Variants in AK7 observed in about 807,000 individuals in gnomAD.
AK7 encodes adenylate kinase 7.
A neutral mutation model predicts 96.6 loss-of-function variants in AK7; 78 were observed. The ratio of observed to expected loss-of-function variants is 0.81; its 90% CI spans 0.67 to 0.97. The LOEUF (loss-of-function observed/expected upper bound fraction) is 0.97, where lower values mean the gene tolerates loss of function less well. Ranked by LOEUF, AK7 falls within the 50% of genes least tolerant of loss-of-function variation. AK7 has a pLI of 0.00. For missense variants in AK7, 855 were observed against 887.9 expected, an observed-to-expected ratio of 0.96 and a Z score of 0.47; for synonymous variants, 302 against 317.2, an observed-to-expected ratio of 0.95 and a Z score of 0.51.
chr14:96,427,063 T>A (rs180671021), intron 5 of AK7, among the ~76,000 whole-genome samples: 3 of 152,232 alleles, frequency 2.0e-5, no homozygotes, highest in Admixed American at 2.0e-4. Context: ...CTGGCCAACA[T>A]GGAGAAACCC....
At chr14:96,468,867 T>C (rs1186899711) in intron 12 of AK7, among the ~76,000 whole-genome samples, 1 of 152,156 alleles carries the variant, frequency 6.6e-6, no homozygotes, top group Non-Finnish European at 1.5e-5. Context: ...ATGACATTTT[T>C]AAAAGCTATG....
At chr14:96,412,819 A>T (rs970005588) in intron 4 of AK7, among the ~76,000 whole-genome samples, 1 of 150,770 alleles carries the variant, frequency 6.6e-6, no homozygotes, top group Non-Finnish European at 1.5e-5. Context: ...TGCGCACTTC[A>T]GCCTCCCAAA....
At chr14:96,405,109 G>A (rs965605856) in intron 3 of AK7, 1 of 214,582 alleles carries the variant, frequency 4.7e-6, no homozygotes, top group South Asian at 1.6e-4. Context: ...ACTTTGGGAG[G>A]CCGAGGTGGG....
Position 96,458,344 on chromosome 14 carries a change from C to T in AK7, c.1357+132C>T, listed in dbSNP as rs1454844240. The T allele has an allele frequency of 5.7e-6, 7 of 1,229,088 alleles. No individual in the cohort carries two copies. The East Asian group carries it at 1.9e-4, about 33-fold the overall frequency. 76.1% of individuals were successfully genotyped at this position (1,229,088 alleles called of 1,614,324 possible). ...GGCGCCATGGCTCATGCCTGTAATCCCAGCACTTTGGGAGTCTGAGGTGGG... is the reference window on the plus strand; with the variant it reads ...GGCGCCATGGCTCATGCCTGTAATCTCAGCACTTTGGGAGTCTGAGGTGGG... On this transcript the variant is annotated intron_variant, in intron 12 of 17. Transcript: ENST00000267584.
intron 7 of AK7, among the ~76,000 whole-genome samples, chr14:96,446,080 A>T (rs1358659483): frequency 1.3e-5 from 2 of 152,182 alleles, no homozygotes; most frequent in African/African-American, 4.8e-5. Context: ...AGCTTGTCTA[A>T]ATCTGTGTCT....
At position 96,458,227 on chromosome 14, in the gene AK7, G is replaced by T. The variant is rs1894045738; in HGVS notation, c.1357+15G>T. Reference sequence around the variant, plus strand: ...GCAGAATGCAGGTAACACACACCCAGCAGAGAGCCACGCTGCTCTTGTGAA... The same window carrying T: ...GCAGAATGCAGGTAACACACACCCATCAGAGAGCCACGCTGCTCTTGTGAA... On this transcript the variant is annotated intron_variant, in intron 12 of 17. Transcript: ENST00000267584. The T allele has an allele frequency of 6.2e-7, 1 of 1,612,366 alleles. No individual in the cohort carries two copies. Among genetic ancestry groups the T allele is most frequent in the African/African-American group, 1.3e-5 (1 of 74,842 alleles).
At chr14:96,423,480 G>A (rs1035367213) in intron 5 of AK7, among the ~76,000 whole-genome samples, 9 of 151,534 alleles carry the variant, frequency 5.9e-5, no homozygotes, top group African/African-American at 2.2e-4. Context: ...CCCCCAAAAT[G>A]AAGTTCAAAA....
intron 4 of AK7, among the ~76,000 whole-genome samples, chr14:96,420,024 C>T (rs1891586941): frequency 1.3e-5 from 2 of 150,978 alleles, no homozygotes; most frequent in Admixed American, 1.3e-4. Flanking sequence ...TGCCACCACG[C>T]CTGGCTAATT....
intron 1 of AK7, among the ~76,000 whole-genome samples, chr14:96,394,685 A>G (rs1889956059): frequency 6.6e-6 from 1 of 152,210 alleles, no homozygotes; most frequent in South Asian, 2.1e-4. Flanking sequence ...TCAAAAAGAT[A>G]CAGATACAGG....
chr14:96,404,864 T>C lies in AK7; in HGVS notation c.402T>C (p.Ser134=), dbSNP rs931706421. ...QQMEEAIWAV[S]ALSEEVSHFE... is the part of the protein sequence containing the mutation. ...TGGAGGAAGCCATCTGGGCAGTCTC[T>C]GGTCAGTGAGGTGTACTCTTTTATC... The change falls in exon 3 of 18, where the codon TCT becomes TCC. Residue 134 remains serine (S), a splice_region_variant and synonymous_variant. Coordinates refer to ENST00000267584, the MANE Select transcript of AK7 (RefSeq NM_152327.5). The C allele has an allele frequency of 5.0e-6, 8 of 1,603,392 alleles. No homozygotes were observed. The highest frequency in any genetic ancestry group is 4.3e-6 in the Non-Finnish European group (5 of 1,171,546).
intron 1 of AK7, among the ~76,000 whole-genome samples, chr14:96,397,271 C>T (rs758576941): frequency 2.2e-4 from 33 of 150,370 alleles, no homozygotes; most frequent in African/African-American, 7.3e-4. Flanking sequence ...TTTTTTTAGG[C>T]GGAGTCTTGC....
chr14:96,446,746 G>T, intron 8 of AK7, 139 bp downstream of exon 8: 1 of 628,844 alleles, frequency 1.6e-6, no homozygotes, highest in Non-Finnish European at 2.8e-6. Context: ...CTCAAGACCA[G>T]CCTGACCAAC....
At chr14:96,480,619 G>A (rs1225497651) in intron 15 of AK7, among the ~76,000 whole-genome samples, 1 of 152,068 alleles carries the variant, frequency 6.6e-6, no homozygotes, top group Non-Finnish European at 1.5e-5. Context: ...TAGAGAACTA[G>A]GAAAGAATGG....
rs540075940 is a variant in AK7 at position 96,392,325 on chromosome 14, C to G, written c.105+66C>G. ...AGCTCCCAGCCCTCGGCCCCCGGTC[C>G]GCAAACCCAGCGAGGGTCTGCGCCC... On this transcript the variant is annotated intron_variant, in intron 1 of 17. Coordinates refer to ENST00000267584, the MANE Select transcript of AK7 (RefSeq NM_152327.5). 9.4e-5 allele frequency: 137 copies of G among 1,456,178 alleles called. No individual in the cohort carries two copies. The Middle Eastern group carries it at 2.5e-3, about 26-fold the overall frequency. 90.2% of individuals were successfully genotyped at this position (1,456,178 alleles called of 1,614,324 possible).
At chr14:96,403,427 G>A (rs574517611) in intron 2 of AK7, among the ~76,000 whole-genome samples, 1 of 152,120 alleles carries the variant, frequency 6.6e-6, no homozygotes, top group African/African-American at 2.4e-5. Context: ...GTGAGACTTT[G>A]GTTGTTCAAG....
intron 6 of AK7, among the ~76,000 whole-genome samples, chr14:96,441,164 C>T (rs975537166): frequency 4.6e-4 from 70 of 152,024 alleles, no homozygotes; most frequent in African/African-American, 1.7e-3. Context: ...GACATAGGGC[C>T]GAGGAAGCAA....
rs146653383 is a variant in AK7 at position 96,451,472 on chromosome 14, G to A, written c.1000G>A (p.Val334Met). The change falls in exon 10 of 18, where the codon GTG becomes ATG. Residue 334 changes from valine (V) to methionine (M), a missense_variant. Coordinates refer to ENST00000267584, the MANE Select transcript of AK7 (RefSeq NM_152327.5). ...CAACTTAAGAATGGAAGCGCTCTTT[G>A]TGAAGGAGAATTTTAATATTCGATG... is the stretch of plus-strand genomic sequence containing the variant. ...LVNLRMEALF[V>M]KENFNIRWAA... 19 of 1,598,532 alleles carry A rather than the reference G, an allele frequency of 1.2e-5. No individual in the cohort carries two copies. The highest frequency in any genetic ancestry group is 1.6e-5 in the Non-Finnish European group (19 of 1,171,518).
intron 4 of AK7, among the ~76,000 whole-genome samples, chr14:96,419,680 AG>A (rs1448877894): frequency 6.6e-6 from 1 of 151,918 alleles, no homozygotes; most frequent in Admixed American, 6.6e-5. Flanking sequence ...ATGGAATCTC[AG>A]TGGCAACCTG....
chr14:96,409,342 C>G (rs544305136), intron 4 of AK7, among the ~76,000 whole-genome samples: 5 of 152,304 alleles, frequency 3.3e-5, no homozygotes, highest in Admixed American at 6.5e-5. Context: ...GAGGCCGAGG[C>G]GGGTGGACCA....
Sources: gnomAD v4.1 joint callset for allele counts (sites outside exome capture counted in the v4.1 genomes callset) on GRCh38, gnomAD v4.1.1 for gene constraint, MANE v1.5 for transcripts, NCBI Gene and HGNC (gene_info 2026-07-23, HGNC 2026-07-21) for gene names.